The following SLC35F1 variants were observed in gnomAD, a reference collection of about 807,000 sequenced individuals.
SLC35F1 encodes chromosome 6 open reading frame 169.
A neutral mutation model predicts 48.7 loss-of-function variants in SLC35F1; 14 were observed. The ratio of observed to expected loss-of-function variants is 0.29; its 90% CI spans 0.19 to 0.45. SLC35F1 has a LOEUF of 0.45. Ranked by LOEUF, SLC35F1 falls within the 20% of genes least tolerant of loss-of-function variation. SLC35F1 has a pLI of 1.00. For missense variants in SLC35F1, 404 were observed against 500.0 expected (o/e 0.81, Z 1.83); for synonymous variants, 190 against 202.2 (o/e 0.94, Z 0.51).
chr6:118,201,812 C>T (rs1774877105), intron 2 of SLC35F1, among the ~76,000 whole-genome samples: 4 of 152,158 alleles, frequency 2.6e-5, no homozygotes, highest in Non-Finnish European at 4.4e-5. Flanking sequence ...AAGGCAACCA[C>T]TAATCTGTCC....
At chr6:118,052,080 G>T (rs1772399465) in intron 1 of SLC35F1, among the ~76,000 whole-genome samples, 1 of 151,990 alleles carries the variant, frequency 6.6e-6, no homozygotes, top group Admixed American at 6.6e-5. Context: ...GTAAATGCTG[G>T]CTCTTCTCAT....
Position 118,154,604 on chromosome 6 carries a change from A to T in SLC35F1, c.333A>T (p.Thr111=). ...YILLFLVYTT[T]LAVRQGEENL... is the part of the protein sequence containing the mutation. ...TTCTCTTCTTGGTCTATACCACCACACTAGCCGTCAGACAAGGTAAGCTCA... is the reference window on the plus strand; with the variant it reads ...TTCTCTTCTTGGTCTATACCACCACTCTAGCCGTCAGACAAGGTAAGCTCA... Residue 111 remains threonine (T), a synonymous_variant, in exon 2 of 8, where the codon ACA becomes ACT. Coordinates refer to ENST00000360388, the MANE Select transcript of SLC35F1 (RefSeq NM_001029858.4). 1 of 1,609,980 alleles carries T rather than the reference A, an allele frequency of 6.2e-7. No homozygotes were observed. The highest frequency in any genetic ancestry group is 2.2e-5 in the East Asian group (1 of 44,796).
At chr6:118,103,623 C>G (rs973176703) in intron 1 of SLC35F1, among the ~76,000 whole-genome samples, 1 of 152,220 alleles carries the variant, frequency 6.6e-6, no homozygotes, top group African/African-American at 2.4e-5. Context: ...CGGAATGAAT[C>G]CAAGAGTGTG....
chr6:118,057,995 G>T (rs182034632), intron 1 of SLC35F1, among the ~76,000 whole-genome samples: 2 of 152,076 alleles, frequency 1.3e-5, no homozygotes, highest in African/African-American at 4.8e-5. Context: ...CCTTTGAGGG[G>T]CTAGGAAAGC....
chr6:118,297,624 A>G (rs867171721), intron 7 of SLC35F1, among the ~76,000 whole-genome samples: 3,807 of 94,066 alleles, frequency 0.04, 112 homozygotes, highest in African/African-American at 0.1. Context: ...CTCAGAACTT[A>G]TATATATATA....
intron 1 of SLC35F1, among the ~76,000 whole-genome samples, chr6:118,144,268 C>G (rs1773937104): frequency 1.3e-5 from 2 of 152,156 alleles, no homozygotes; most frequent in African/African-American, 2.4e-5. Flanking sequence ...TAAAAAGGAA[C>G]AAGATCATGT....
chr6:117,936,565 A>T (rs1422595067), intron 1 of SLC35F1, among the ~76,000 whole-genome samples: 1 of 152,234 alleles, frequency 6.6e-6, no homozygotes, highest in Non-Finnish European at 1.5e-5. Flanking sequence ...CTCGAAATCC[A>T]TAAAATTTCT....
Position 118,235,527 on chromosome 6 carries a change from C to G in SLC35F1, c.368C>G (p.Ala123Gly). The G allele has an allele frequency of 1.2e-6, 2 of 1,612,918 alleles. No homozygotes were observed. Among genetic ancestry groups the G allele is most frequent in the Non-Finnish European group, 1.7e-6 (2 of 1,179,328 alleles). ...AVRQGEENLLAILRRRWWKYM... is the reference protein window; with the variant it reads ...AVRQGEENLLGILRRRWWKYM... ...AACACAGGAGAAGAAAACCTCCTGG[C>G]AATTTTACGACGAAGATGGTGGAAG... The change falls in exon 3 of 8, where the codon GCA becomes GGA. Residue 123 changes from alanine (A) to glycine (G), a missense_variant. Coordinates refer to ENST00000360388, the MANE Select transcript of SLC35F1 (RefSeq NM_001029858.4).
intron 4 of SLC35F1, among the ~76,000 whole-genome samples, chr6:118,271,501 C>T (rs2114626070): frequency 6.6e-6 from 1 of 152,192 alleles, no homozygotes; most frequent in Admixed American, 6.5e-5. Context: ...AGTTGGTTCC[C>T]CCTATTTGAG....
intron 7 of SLC35F1, among the ~76,000 whole-genome samples, chr6:118,310,935 A>G (rs1204476167): frequency 6.6e-6 from 1 of 152,218 alleles, no homozygotes; most frequent in Non-Finnish European, 1.5e-5. Flanking sequence ...ATTCTTTGTC[A>G]TATTGATCAA....
intron 7 of SLC35F1, among the ~76,000 whole-genome samples, chr6:118,299,809 G>A (rs1011025483): frequency 2.6e-5 from 4 of 152,140 alleles, no homozygotes; most frequent in Non-Finnish European, 5.9e-5. Flanking sequence ...TCTCATCCAG[G>A]CTCACAGACC....
At chr6:117,987,206 G>C (rs1776858770) in intron 1 of SLC35F1, among the ~76,000 whole-genome samples, 2 of 152,114 alleles carry the variant, frequency 1.3e-5, no homozygotes. Context: ...TTGTGCATGG[G>C]TCAGTTCCAT....
intron 1 of SLC35F1, among the ~76,000 whole-genome samples, chr6:118,002,694 T>G (rs1777120183): frequency 6.6e-6 from 1 of 152,054 alleles, no homozygotes; most frequent in African/African-American, 2.4e-5. Context: ...CGACCCTTTC[T>G]CAGGTGACTG....
intron 2 of SLC35F1, among the ~76,000 whole-genome samples, chr6:118,174,255 A>G (rs1774453965): frequency 6.6e-6 from 1 of 152,210 alleles, no homozygotes; most frequent in Non-Finnish European, 1.5e-5. Context: ...CAGAGATGTC[A>G]TAGATGTTAG....
chr6:118,081,184 C>A (rs562954921), intron 1 of SLC35F1, among the ~76,000 whole-genome samples: 1 of 152,224 alleles, frequency 6.6e-6, no homozygotes, highest in African/African-American at 2.4e-5. Flanking sequence ...TAGAACAATT[C>A]CTCATGCAAA....
At chr6:118,164,655 A>G (rs1353323954) in intron 2 of SLC35F1, among the ~76,000 whole-genome samples, 1 of 152,238 alleles carries the variant, frequency 6.6e-6, no homozygotes, top group African/African-American at 2.4e-5. Flanking sequence ...ATAATATGCC[A>G]TCATCAACAT....
At chr6:118,281,897 G>T (rs973334269) in intron 6 of SLC35F1, among the ~76,000 whole-genome samples, 21 of 152,180 alleles carry the variant, frequency 1.4e-4, no homozygotes, top group African/African-American at 4.1e-4. Context: ...TTACACTGTT[G>T]TGGAGATTAA....
intron 1 of SLC35F1, among the ~76,000 whole-genome samples, chr6:118,128,929 A>G (rs908109393): frequency 3.3e-5 from 5 of 152,154 alleles, no homozygotes; most frequent in African/African-American, 1.2e-4. Context: ...AACTTTGGCT[A>G]TTTCATGAAA....
chr6:118,042,608 G>A (rs2114903112), intron 1 of SLC35F1, among the ~76,000 whole-genome samples: 1 of 152,286 alleles, frequency 6.6e-6, no homozygotes, highest in Admixed American at 6.5e-5. Context: ...GTTTGGACTT[G>A]ATAGGTTAGA....
Sources: gnomAD v4.1 joint callset for allele counts (sites outside exome capture counted in the v4.1 genomes callset) on GRCh38, gnomAD v4.1.1 for gene constraint, MANE v1.5 for transcripts, NCBI Gene and HGNC (gene_info 2026-07-23, HGNC 2026-07-21) for gene names.